TAF4: variants seen among roughly 807,000 people sequenced by gnomAD.
The protein encoded by TAF4 is TATA-box binding protein associated factor 4, also known as transcription initiation factor TFIID subunit 4.
Under a neutral mutation model 90.3 loss-of-function variants are expected in TAF4, and 9 were observed. The observed-to-expected ratio is 0.10, with a 90% confidence interval of 0.06 to 0.17. The LOEUF is 0.17. Among genes scored for constraint, TAF4 ranks in the 10% least tolerant of loss-of-function variants. The pLI is 1.00. For missense variants in TAF4, 1,351 were observed against 1,370.7 expected (o/e 0.99, Z 0.23); for synonymous variants, 818 against 638.9 (o/e 1.28, Z -4.23).
Position 62,064,688 on chromosome 20 carries a change from T to C in TAF4, c.1123A>G (p.Ile375Val). ...GPASTAASMV[I>V]GPTMQGALPS... ...AGCGCCCCTTGCATAGTTGGCCCGA[T>C]GACCATGCTGGCCGCCGTGCTGGCC... Residue 375 changes from isoleucine to valine, a missense_variant, in exon 1 of 15, where the codon ATC (isoleucine) becomes GTC (valine). Ile to Val is a conservative substitution (Grantham distance 29). Coordinates refer to ENST00000252996, the MANE Select transcript of TAF4 (RefSeq NM_003185.4). 1 of 1,259,190 alleles carries C rather than the reference T, an allele frequency of 7.9e-7. No homozygotes were observed. 78.0% of individuals were successfully genotyped at this position (1,259,190 alleles called of 1,614,324 possible).
Position 61,974,810 on chromosome 20 carries a change from T to C in TAF4, c.*1358A>G, listed in dbSNP as rs531368123. 4 of 152,536 alleles carry C rather than the reference T, an allele frequency of 2.6e-5. No homozygotes were observed. The South Asian group carries it at 8.3e-4, about 32-fold the overall frequency. The allele number at this position is 152,536 out of a possible 1,614,324, so 9.4% of individuals were successfully genotyped here. ...TAGGCAAAACAAATACAGATAAATT[T>C]GTTTTTAATAAAGGAGTTAATTTTC... is the stretch of plus-strand genomic sequence containing the variant. On this transcript the variant is annotated 3_prime_UTR_variant, in exon 15 of 15. Coordinates refer to ENST00000252996, the MANE Select transcript of TAF4 (RefSeq NM_003185.4). This position sits in a 1 kb window ranked among gnomAD's most constrained non-coding sequence, Gnocchi z 4.1.
intron 14 of TAF4, among the ~76,000 whole-genome samples, chr20:61,994,768 G>A (rs1358874344): frequency 6.6e-6 from 1 of 152,204 alleles, no homozygotes; most frequent in African/African-American, 2.4e-5. Context: ...AAGAAGCGGT[G>A]CAAGACCAGC....
At chr20:61,999,221 G>C in intron 11 of TAF4, 113 bp from the exon 12 acceptor site, 1 of 1,389,712 alleles carries the variant, frequency 7.2e-7, no homozygotes, top group South Asian at 1.3e-5. Context: ...CGTCCAGTCT[G>C]AATGCGGCGA....
At chr20:61,982,923 A>G (rs528331814) in intron 14 of TAF4, among the ~76,000 whole-genome samples, 1 of 152,294 alleles carries the variant, frequency 6.6e-6, no homozygotes, top group African/African-American at 2.4e-5. Context: ...AAGAACAGAA[A>G]AGACTTCTGA....
intron 1 of TAF4, among the ~76,000 whole-genome samples, chr20:62,015,867 C>T (rs1427096169): frequency 6.6e-6 from 1 of 152,212 alleles, no homozygotes; most frequent in Non-Finnish European, 1.5e-5. Flanking sequence ...ATGGTGATGC[C>T]TCTCCTGGGC....
intron 1 of TAF4, among the ~76,000 whole-genome samples, chr20:62,045,734 G>A (rs528484354): frequency 7.9e-5 from 12 of 152,328 alleles, no homozygotes; most frequent in East Asian, 7.7e-4. Context: ...TGAGGAGAGC[G>A]CAACAGATCT....
At position 62,025,016 on chromosome 20, in the gene TAF4, C is replaced by T. The variant is rs554643038; in HGVS notation, c.1361-10309G>A. Among the ~76,000 whole-genome samples, 6 of 152,306 alleles carry T rather than the reference C, an allele frequency of 3.9e-5. No individual in the cohort carries two copies. In the South Asian group the frequency reaches 1.2e-3, roughly 32 times the overall value. On this transcript the variant is annotated intron_variant, in intron 1 of 14. Coordinates refer to ENST00000252996, the MANE Select transcript of TAF4 (RefSeq NM_003185.4). ...TTAAAGCGACACCACTACACACTCA[C>T]TAAAATAGCTAAAACTAAAAAGATC...
intron 1 of TAF4, among the ~76,000 whole-genome samples, chr20:62,046,785 C>T (rs1305807192): frequency 2.0e-5 from 3 of 152,190 alleles, no homozygotes; most frequent in Admixed American, 1.3e-4. Flanking sequence ...TGTTATCAGC[C>T]GCAGCATCCC....
rs2056063468 is a variant in TAF4, at chr20:62,056,268, T to C, written c.1360+8183A>G. ...AAAGAAAAAAACAAGAACGCGCTTA[T>C]ACAAATAGGCACAGTTGGCGAGAAT... On this transcript the variant is annotated intron_variant, in intron 1 of 14. Coordinates refer to ENST00000252996, the MANE Select transcript of TAF4 (RefSeq NM_003185.4). 3.9e-5 allele frequency among the ~76,000 whole-genome samples: 6 copies of C among 152,232 alleles called. No individual in the cohort carries two copies. The South Asian group carries it at 1.0e-3, about 26-fold the overall frequency.
intron 9 of TAF4, among the ~76,000 whole-genome samples, chr20:62,002,723 G>A (rs1038283640): frequency 9.9e-5 from 15 of 152,158 alleles, no homozygotes; most frequent in East Asian, 1.9e-4. Flanking sequence ...TCAAACTCCC[G>A]GGCTCAAGCG....
At chr20:62,053,440 G>A (rs941851238) in intron 1 of TAF4, among the ~76,000 whole-genome samples, 4 of 152,226 alleles carry the variant, frequency 2.6e-5, no homozygotes, top group African/African-American at 9.6e-5. Flanking sequence ...CGGTCAGGCA[G>A]GAGCGGCAGG....
chr20:62,038,081 T>A (rs1023671404), intron 1 of TAF4: 1 of 152,102 alleles, frequency 6.6e-6, no homozygotes, highest in Non-Finnish European at 1.5e-5. Context: ...CAGGCTGGAG[T>A]GCAGTGGCGC....
At position 62,065,402 on chromosome 20, in the gene TAF4, A is replaced by T; in HGVS notation, c.409T>A (p.Cys137Ser). ...GCGGCGGCGGCGGGCACCGGGGCGC[A>T]GGACCCCGCGCTGCCCTCGGGCGGC... ...RPPPEGSAGS[C>S]APVPAAAAVA... The change falls in exon 1 of 15, where the codon TGC becomes AGC. Residue 137 changes from cysteine to serine, a missense_variant. This residue lies in a region of TAF4 where 782 missense variants were observed against 536.6 expected (regional missense o/e 1.46). Transcript: ENST00000252996. 1 of 967,400 alleles carries T rather than the reference A, an allele frequency of 1.0e-6. No homozygotes were observed. The highest frequency in any genetic ancestry group is 1.2e-6 in the Non-Finnish European group (1 of 821,254). 59.9% of individuals were successfully genotyped at this position (967,400 alleles called of 1,614,324 possible).
chr20:61,998,000 A>C lies in TAF4; in HGVS notation c.2970+136T>G, dbSNP rs117673800. ...AATACCTCTGATGTTGTATTTATTTAAACTTGGCAAACATTTTAAACAGAC... is the reference window on the plus strand; with the variant it reads ...AATACCTCTGATGTTGTATTTATTTCAACTTGGCAAACATTTTAAACAGAC... On this transcript the variant is annotated intron_variant, in intron 13 of 14. Transcript: ENST00000252996. 8.2e-4 allele frequency: 696 copies of C among 844,642 alleles called. 7 individuals are homozygous for C. In the East Asian group the frequency reaches 0.017, roughly 21 times the overall value. The allele number at this position is 844,642 out of a possible 1,614,324, so 52.3% of individuals were successfully genotyped here. A position where few individuals can be genotyped will look rare whatever the true frequency, so the allele number is the denominator to read the frequency against.
At chr20:62,053,216 G>A (rs943286548) in intron 1 of TAF4, among the ~76,000 whole-genome samples, 7 of 152,196 alleles carry the variant, frequency 4.6e-5, no homozygotes, top group African/African-American at 1.4e-4. Context: ...CGCCCAGTCC[G>A]TGCTTTCCCA....
intron 1 of TAF4, among the ~76,000 whole-genome samples, chr20:62,044,087 T>A (rs1370554534): frequency 6.6e-6 from 1 of 152,250 alleles, no homozygotes; most frequent in African/African-American, 2.4e-5. Flanking sequence ...GCTTATTATA[T>A]GCTTTTTGCC....
intron 1 of TAF4, among the ~76,000 whole-genome samples, chr20:62,026,529 C>T (rs955442407): frequency 2.0e-4 from 30 of 152,242 alleles, no homozygotes; most frequent in African/African-American, 6.8e-4. Context: ...CGTGGTCAGG[C>T]CTGAGGAGCA....
chr20:62,064,518 C>A lies in TAF4; in HGVS notation c.1293G>T (p.Val431=). ...GCGGCTGCGGCAAGCGGGGGGCCAG[C>A]ACGGTGGGCGTCAGGGTGGCCCGAA... ...SGIRATLTPT[V]LAPRLPQPPQ... The change falls in exon 1 of 15, where the codon GTG becomes GTT. Residue 431 remains valine, a synonymous_variant. Transcript: ENST00000252996. 3 of 1,529,490 alleles carry A rather than the reference C, an allele frequency of 2.0e-6. No homozygotes were observed. The highest frequency in any genetic ancestry group is 3.4e-4 in the Middle Eastern group (2 of 5,840). 94.7% of individuals were successfully genotyped at this position (1,529,490 alleles called of 1,614,324 possible).
chr20:62,029,583 C>T (rs4925332), intron 1 of TAF4, among the ~76,000 whole-genome samples: 103,387 of 152,090 alleles, frequency 0.68, 35,355 homozygotes, highest in Middle Eastern at 0.78. Flanking sequence ...GGCCTGACTC[C>T]TGGCCTCCAG....
Sources: allele counts gnomAD v4.1 joint callset (sites outside exome capture counted in the v4.1 genomes callset), GRCh38; gene constraint gnomAD v4.1.1; regional missense constraint gnomAD v4.1.1; non-coding constraint Gnocchi (gnomAD v3.1); transcripts MANE v1.5; gene names NCBI Gene and HGNC (gene_info 2026-07-23, HGNC 2026-07-21).